The following PHACTR3 variants were observed in gnomAD, a reference collection of about 807,000 sequenced individuals.
PHACTR3 encodes the protein protein phosphatase 1, regulatory subunit 123.
Under a neutral mutation model 66.8 loss-of-function variants are expected in PHACTR3, and 16 were observed. The observed-to-expected ratio is 0.24, with a 90% CI of 0.16 to 0.36. PHACTR3 has a LOEUF of 0.36. Ranked by LOEUF, PHACTR3 falls within the 10% of genes least tolerant of loss-of-function variation. The probability of loss-of-function intolerance (pLI) is 1.00; values close to 1 mark genes in which losing one functional copy is unlikely to be tolerated. For missense variants in PHACTR3, 647 were observed against 719.9 expected (o/e 0.90, Z 1.16); for synonymous variants, 323 against 292.1 (o/e 1.11, Z -1.08).
chr20:59,762,263 A>G (rs2040018160), intron 4 of PHACTR3, among the ~76,000 whole-genome samples: 1 of 152,074 alleles, frequency 6.6e-6, no homozygotes, highest in South Asian at 2.1e-4. Context: ...AGGGTGGGGA[A>G]CCCATAGTCC....
intron 1 of PHACTR3, among the ~76,000 whole-genome samples, chr20:59,610,820 C>A (rs1268217597): frequency 2.6e-5 from 4 of 152,218 alleles, no homozygotes; most frequent in Admixed American, 6.5e-5. Context: ...TGAATGCTGA[C>A]AGAATGGATG....
upstream of PHACTR3, among the ~76,000 whole-genome samples, chr20:59,600,885 C>G (rs545354698): frequency 6.6e-6 from 1 of 150,708 alleles, no homozygotes; most frequent in East Asian, 1.9e-4. Context: ...TTATGCCCAC[C>G]AGGGCAAGAG....
chr20:59,696,694 C>T (rs993410973), intron 1 of PHACTR3, among the ~76,000 whole-genome samples: 1 of 152,182 alleles, frequency 6.6e-6, no homozygotes, highest in Non-Finnish European at 1.5e-5. Context: ...ACACCAGGCT[C>T]TCTGGGCAGC....
chr20:59,747,983 C>A, intron 3 of PHACTR3, 148 bp downstream of exon 3: 1 of 752,412 alleles, frequency 1.3e-6, no homozygotes. Context: ...TGGAGAGACA[C>A]CCCATGTCAG....
chr20:59,813,804 C>A (rs2041808650), intron 8 of PHACTR3, among the ~76,000 whole-genome samples: 1 of 152,034 alleles, frequency 6.6e-6, no homozygotes, highest in Non-Finnish European at 1.5e-5. Flanking sequence ...TCCTGTGCTG[C>A]CCGCTATGGG....
intron 1 of PHACTR3, among the ~76,000 whole-genome samples, chr20:59,679,634 A>G (rs1187062571): frequency 6.6e-6 from 1 of 152,066 alleles, no homozygotes; most frequent in Non-Finnish European, 1.5e-5. Flanking sequence ...CGTACCCAAG[A>G]CTGGGTAATT....
chr20:59,714,902 T>C (rs2038042267), intron 1 of PHACTR3, among the ~76,000 whole-genome samples: 3 of 152,332 alleles, frequency 2.0e-5, no homozygotes, highest in East Asian at 3.9e-4. Context: ...TTTGGCTAGA[T>C]TTATTCTGGA....
chr20:59,598,984 G>C (rs532814638), intron 1 of PHACTR3, among the ~76,000 whole-genome samples: 2 of 152,340 alleles, frequency 1.3e-5, no homozygotes, highest in Admixed American at 6.5e-5. Flanking sequence ...ATCGTGGCTT[G>C]AGCAGTTCTT....
At chr20:59,707,457 CTTT>C (rs34134572) in intron 1 of PHACTR3, among the ~76,000 whole-genome samples, 5 of 100,408 alleles carry the variant, frequency 5.0e-5, no homozygotes, top group Admixed American at 1.2e-4. Flanking sequence ...TGCTCCCACT[CTTT>C]TTTTTTTTTT....
At chr20:59,807,654 G>T (rs1600691536) in intron 8 of PHACTR3, among the ~76,000 whole-genome samples, 1 of 152,118 alleles carries the variant, frequency 6.6e-6, no homozygotes, top group South Asian at 2.1e-4. Flanking sequence ...AGCACAGTAG[G>T]TTTTTTCACA....
chr20:59,708,252 CT>C (rs1417683792), intron 1 of PHACTR3, among the ~76,000 whole-genome samples: 1 of 152,206 alleles, frequency 6.6e-6, no homozygotes, highest in Non-Finnish European at 1.5e-5. Flanking sequence ...GTGATCTGAA[CT>C]TTTGAGGGGC....
At chr20:59,593,631 T>C (rs1349778580) in intron 1 of PHACTR3, among the ~76,000 whole-genome samples, 1 of 152,226 alleles carries the variant, frequency 6.6e-6, no homozygotes, top group Non-Finnish European at 1.5e-5. Context: ...TACAGTTTTA[T>C]ATTTTACATT....
At chr20:59,780,739 T>C (rs531880400) in intron 7 of PHACTR3, among the ~76,000 whole-genome samples, 1 of 152,314 alleles carries the variant, frequency 6.6e-6, no homozygotes, top group East Asian at 1.9e-4. Context: ...AGAGACTTGC[T>C]GCAGGATTTG....
chr20:59,691,201 G>A (rs1346152087), intron 1 of PHACTR3, among the ~76,000 whole-genome samples: 3 of 152,154 alleles, frequency 2.0e-5, no homozygotes, highest in Non-Finnish European at 4.4e-5. Context: ...TGTGGCCTCG[G>A]GTGTCCTGGC....
At chr20:59,646,474 G>T (rs1468331306) in intron 1 of PHACTR3, among the ~76,000 whole-genome samples, 1 of 152,108 alleles carries the variant, frequency 6.6e-6, no homozygotes, top group Non-Finnish European at 1.5e-5. Flanking sequence ...TCAAAAGAAA[G>T]TACCTTACCA....
upstream of PHACTR3, among the ~76,000 whole-genome samples, chr20:59,601,246 T>C (rs1018730442): frequency 6.6e-6 from 1 of 152,236 alleles, no homozygotes; most frequent in Non-Finnish European, 1.5e-5. Flanking sequence ...TGGCTTCTTT[T>C]ACTTGCATAA....
intron 7 of PHACTR3, among the ~76,000 whole-genome samples, chr20:59,800,773 T>G (rs1429797655): frequency 6.6e-6 from 1 of 152,230 alleles, no homozygotes; most frequent in African/African-American, 2.4e-5. Flanking sequence ...ATAAATACTC[T>G]TGAGTTTTGT....
At chr20:59,765,896 T>G (rs1159474296) in intron 4 of PHACTR3, among the ~76,000 whole-genome samples, 1 of 152,148 alleles carries the variant, frequency 6.6e-6, no homozygotes, top group African/African-American at 2.4e-5. Context: ...AGAGTGTTCG[T>G]GTGTTCTTCA....
intron 1 of PHACTR3, among the ~76,000 whole-genome samples, chr20:59,618,794 T>C (rs2146360381): frequency 6.7e-6 from 1 of 149,362 alleles, no homozygotes; most frequent in Admixed American, 6.6e-5. Flanking sequence ...GCCTGAGAGG[T>C]GCTGTCTCAC....
Sources: gnomAD v4.1 joint callset for allele counts (sites outside exome capture counted in the v4.1 genomes callset) on GRCh38, gnomAD v4.1.1 for gene constraint, MANE v1.5 for transcripts, NCBI Gene and HGNC (gene_info 2026-07-23, HGNC 2026-07-21) for gene names.